PGBD5: variants seen among roughly 807,000 people sequenced by gnomAD.
The protein encoded by PGBD5 is piggyBac transposable element-derived protein 5.
PGBD5 carries 14 observed loss-of-function variants against 47.9 expected under a neutral mutation model. The observed-to-expected ratio is 0.29, with a 90% CI of 0.19 to 0.46. The LOEUF (loss-of-function observed/expected upper bound fraction) is 0.46, where lower values mean the gene tolerates loss of function less well. Ranked by LOEUF, PGBD5 falls within the 20% of genes least tolerant of loss-of-function variation. PGBD5 has a pLI of 1.00. For missense variants in PGBD5, 635 were observed against 716.0 expected, an observed-to-expected ratio of 0.89 and a Z score of 1.29; for synonymous variants, 316 against 306.3, an observed-to-expected ratio of 1.03 and a Z score of -0.33.
chr1:230,416,973 G>A (rs535348360), intron 1 of PGBD5, among the ~76,000 whole-genome samples: 62 of 152,300 alleles, frequency 4.1e-4, no homozygotes, highest in African/African-American at 1.4e-3. Context: ...GGCTACGGTT[G>A]GCAGCAATGG....
At chr1:230,339,138 T>C (rs977797888) in intron 3 of PGBD5, among the ~76,000 whole-genome samples, 1 of 152,250 alleles carries the variant, frequency 6.6e-6, no homozygotes, top group Non-Finnish European at 1.5e-5. Flanking sequence ...TCTATGCATC[T>C]GAAGAACTGC....
At chr1:230,393,025 G>A (rs60027252) in intron 1 of PGBD5, among the ~76,000 whole-genome samples, 5,701 of 150,460 alleles carry the variant, frequency 0.038, 361 homozygotes, top group African/African-American at 0.13. Context: ...AAAGGAAAGG[G>A]GGAGAGGGAG....
At chr1:230,406,788 C>T (rs1466671634) in intron 1 of PGBD5, among the ~76,000 whole-genome samples, 1 of 152,180 alleles carries the variant, frequency 6.6e-6, no homozygotes, top group Non-Finnish European at 1.5e-5. Context: ...AAAAACTCAA[C>T]TATACCACGT....
At chr1:230,346,872 T>C (rs2102698233) in intron 3 of PGBD5, among the ~76,000 whole-genome samples, 1 of 152,258 alleles carries the variant, frequency 6.6e-6, no homozygotes, top group Admixed American at 6.5e-5. Flanking sequence ...GAGGGCTCCC[T>C]CTATCTCTAG....
intron 5 of PGBD5, among the ~76,000 whole-genome samples, chr1:230,329,892 C>T (rs990370683): frequency 6.6e-6 from 1 of 152,220 alleles, no homozygotes; most frequent in Non-Finnish European, 1.5e-5. Context: ...TTATACTTAT[C>T]TGGCCTTGGG....
intron 1 of PGBD5, among the ~76,000 whole-genome samples, chr1:230,362,978 G>A (rs556813245): frequency 4.5e-4 from 68 of 152,282 alleles, no homozygotes; most frequent in Middle Eastern, 6.8e-3. Context: ...TCACATCCCT[G>A]AGGATGCCCA....
chr1:230,376,955 CACTG>C (rs1361855300), intron 1 of PGBD5, among the ~76,000 whole-genome samples: 1 of 152,196 alleles, frequency 6.6e-6, no homozygotes, highest in Non-Finnish European at 1.5e-5. Context: ...CAGGGCCAGG[CACTG>C]ACTAAGTGCT....
intron 3 of PGBD5, 61 bp downstream of exon 3, chr1:230,350,897 G>A (rs762597594): frequency 9.4e-5 from 148 of 1,582,850 alleles, no homozygotes; most frequent in Non-Finnish European, 1.0e-4. Context: ...AGCCCAAGTC[G>A]CCCGGATTTT....
intron 3 of PGBD5, among the ~76,000 whole-genome samples, chr1:230,347,726 C>T (rs1044752707): frequency 2.0e-5 from 3 of 152,062 alleles, no homozygotes; most frequent in African/African-American, 7.2e-5. Flanking sequence ...CCCCACCATC[C>T]CTTCAACACC....
intron 6 of PGBD5, 90 bp downstream of exon 6, chr1:230,325,219 TG>T: frequency 1.0e-6 from 1 of 986,830 alleles, no homozygotes; most frequent in Non-Finnish European, 1.6e-6. Context: ...GTTCTTACAC[TG>T]GGGAAACTAG....
At chr1:230,356,829 AGAC>A in intron 2 of PGBD5, 62 bp downstream of exon 2, 4 of 1,537,292 alleles carry the variant, frequency 2.6e-6, no homozygotes, top group Non-Finnish European at 3.5e-6. Context: ...CCCTGCCAAC[AGAC>A]AAGGCTAGGC....
chr1:230,416,196 AG>A (rs1369773575), intron 1 of PGBD5, among the ~76,000 whole-genome samples: 1 of 152,156 alleles, frequency 6.6e-6, no homozygotes, highest in Non-Finnish European at 1.5e-5. Flanking sequence ...GTAGCCATCA[AG>A]TTTGGTCTTC....
intron 1 of PGBD5, among the ~76,000 whole-genome samples, chr1:230,420,321 T>C (rs537441498): frequency 1.4e-4 from 22 of 152,302 alleles, no homozygotes; most frequent in African/African-American, 5.3e-4. Context: ...TAATAACAAT[T>C]AAAAATCAGG....
intron 1 of PGBD5, among the ~76,000 whole-genome samples, chr1:230,421,346 A>G (rs1657643975): frequency 6.6e-6 from 1 of 152,226 alleles, no homozygotes; most frequent in Non-Finnish European, 1.5e-5. Flanking sequence ...GTATAACCAT[A>G]AAAATAAATA....
At chr1:230,411,286 A>G (rs1657402886) in intron 1 of PGBD5, among the ~76,000 whole-genome samples, 1 of 152,202 alleles carries the variant, frequency 6.6e-6, no homozygotes. Context: ...CCCCATCTCA[A>G]AAAAGGGCGG....
intron 1 of PGBD5, among the ~76,000 whole-genome samples, chr1:230,386,196 G>A (rs1257862473): frequency 6.6e-6 from 1 of 152,008 alleles, no homozygotes; most frequent in Non-Finnish European, 1.5e-5. Context: ...GTGCATGCCT[G>A]TAGTCACAGC....
chr1:230,412,003 A>G (rs762461076), intron 1 of PGBD5, among the ~76,000 whole-genome samples: 17 of 152,216 alleles, frequency 1.1e-4, no homozygotes, highest in Non-Finnish European at 2.1e-4. Context: ...CTCTCCCCCC[A>G]AAAAGAAAAA....
intron 1 of PGBD5, among the ~76,000 whole-genome samples, chr1:230,416,887 C>A (rs1657527637): frequency 6.6e-6 from 1 of 152,136 alleles, no homozygotes; most frequent in South Asian, 2.1e-4. Context: ...GGGGCAGGGG[C>A]AGTCAACAAA....
At position 230,422,131 on chromosome 1, in the gene PGBD5, TCC is replaced by T. The variant is rs531019237; in HGVS notation, c.331+3465_331+3466del. ...ACACACAAATATATATATATATTTTTCCCTCTCTCTCTCTCTTCTATGAAGTC... is the reference window on the plus strand; with the variant it reads ...ACACACAAATATATATATATATTTTTCTCTCTCTCTCTCTTCTATGAAGTC... On this transcript the variant is annotated intron_variant, in intron 1 of 6. Coordinates refer to ENST00000391860, the MANE Select transcript of PGBD5 (RefSeq NM_001258311.2). 7.6e-4 allele frequency among the ~76,000 whole-genome samples: 116 copies of T among 152,054 alleles called. No homozygotes were observed. The East Asian group carries it at 0.018, about 24-fold the overall frequency.
Sources: allele counts gnomAD v4.1 joint callset (sites outside exome capture counted in the v4.1 genomes callset), GRCh38; gene constraint gnomAD v4.1.1; transcripts MANE v1.5; gene names NCBI Gene and HGNC (gene_info 2026-07-23, HGNC 2026-07-21).